The following ITPR2 variants were observed in gnomAD, a reference collection of about 807,000 sequenced individuals.
The protein encoded by ITPR2 is inositol 1,4,5-trisphosphate receptor type 2, also known as inositol 1,4,5-trisphosphate-gated calcium channel ITPR2.
In ITPR2, 207 loss-of-function variants were observed where a neutral mutation model predicts 317.1. The ratio of observed to expected loss-of-function variants is 0.65; its 90% CI spans 0.58 to 0.73. The LOEUF is 0.73. Ranked by LOEUF, ITPR2 falls within the 30% of genes least tolerant of loss-of-function variation. ITPR2 has a pLI of 0.00. For synonymous variants in ITPR2, 1,156 were observed against 1,149.1 expected (o/e 1.01, Z -0.12); for missense variants, 2,613 against 3,284.0 (o/e 0.80, Z 4.99).
intron 13 of ITPR2, among the ~76,000 whole-genome samples, chr12:26,673,518 T>G (rs1159920081): frequency 1.3e-5 from 2 of 151,164 alleles, no homozygotes; most frequent in Non-Finnish European, 3.0e-5. Context: ...AAACTCTCAA[T>G]AAATTAGGTA....
intron 55 of ITPR2, among the ~76,000 whole-genome samples, chr12:26,362,643 C>T (rs1367733025): frequency 6.6e-6 from 1 of 152,110 alleles, no homozygotes; most frequent in African/African-American, 2.4e-5. Context: ...CCTTTAACAC[C>T]GTCCTCATAA....
At chr12:26,567,470 ACATGAAC>A (rs1385536563) in intron 34 of ITPR2, among the ~76,000 whole-genome samples, 1 of 152,180 alleles carries the variant, frequency 6.6e-6, no homozygotes, top group Non-Finnish European at 1.5e-5. Context: ...TCCTGTCTTC[ACATGAAC>A]TGTACAATGA....
At chr12:26,457,951 A>G (rs193213514) in intron 45 of ITPR2, among the ~76,000 whole-genome samples, 41 of 152,366 alleles carry the variant, frequency 2.7e-4, no homozygotes, top group Non-Finnish European at 4.7e-4. Context: ...ATGAACTAAA[A>G]TAACAGAAAA....
intron 21 of ITPR2, among the ~76,000 whole-genome samples, chr12:26,634,884 C>CAAA (rs55985706): frequency 4.3e-4 from 25 of 58,542 alleles, no homozygotes; most frequent in East Asian, 1.7e-3. Flanking sequence ...GACTTCATCT[C>CAAA]AAAAAAAAAA....
At chr12:26,471,212 G>A (rs1392812007) in intron 45 of ITPR2, among the ~76,000 whole-genome samples, 1 of 152,060 alleles carries the variant, frequency 6.6e-6, no homozygotes, top group Non-Finnish European at 1.5e-5. Flanking sequence ...TTAAATGCAG[G>A]GTCTCAGACA....
intron 21 of ITPR2, among the ~76,000 whole-genome samples, chr12:26,640,565 T>A (rs1233611358): frequency 6.6e-6 from 1 of 152,066 alleles, no homozygotes; most frequent in Non-Finnish European, 1.5e-5. Flanking sequence ...AGAAATAGAA[T>A]CTATTTTGAT....
At chr12:26,389,173 A>C (rs943680402) in intron 54 of ITPR2, among the ~76,000 whole-genome samples, 6 of 152,056 alleles carry the variant, frequency 3.9e-5, no homozygotes, top group African/African-American at 1.5e-4. Flanking sequence ...TTCTCAACAC[A>C]GCAGCCAGAG....
chr12:26,520,069 T>C (rs573708368), intron 37 of ITPR2, among the ~76,000 whole-genome samples: 7 of 152,284 alleles, frequency 4.6e-5, no homozygotes, highest in Admixed American at 2.6e-4. Context: ...ACTATTCTTG[T>C]TACATTTTGG....
At chr12:26,664,911 T>C (rs1947588853) in intron 14 of ITPR2, among the ~76,000 whole-genome samples, 1 of 152,188 alleles carries the variant, frequency 6.6e-6, no homozygotes, top group South Asian at 2.1e-4. Context: ...ACATTATGTC[T>C]ACTATTTTCC....
rs920059246 is a variant in ITPR2 at position 26,578,924 on chromosome 12, A to T, written c.4510-91T>A. ...ATGCATTCTCAGAAAGGTTCATCAA[A>T]ATAAAATAAAATACAATCTTTCAAG... On this transcript the variant is annotated intron_variant, in intron 33 of 56. Transcript: ENST00000381340. The T allele has an allele frequency of 4.9e-6, 6 of 1,235,640 alleles. No individual in the cohort carries two copies. In the African/African-American group the frequency reaches 9.1e-5, roughly 19 times the overall value. 76.5% of individuals were successfully genotyped at this position (1,235,640 alleles called of 1,614,324 possible).
At chr12:26,742,248 G>C (rs1401967922) in intron 2 of ITPR2, among the ~76,000 whole-genome samples, 1 of 152,198 alleles carries the variant, frequency 6.6e-6, no homozygotes. Context: ...ATAAATAGTG[G>C]TATGGTCACA....
chr12:26,766,872 A>G (rs1248069174), intron 2 of ITPR2, among the ~76,000 whole-genome samples: 2 of 152,230 alleles, frequency 1.3e-5, no homozygotes, highest in South Asian at 4.1e-4. Flanking sequence ...TTGAGGCAAT[A>G]TAGGACAATT....
intron 22 of ITPR2, among the ~76,000 whole-genome samples, chr12:26,629,860 G>A (rs916732376): frequency 6.6e-5 from 10 of 152,034 alleles, no homozygotes; most frequent in African/African-American, 1.4e-4. Flanking sequence ...CCAGACATGC[G>A]TTAAACAAGG....
In ITPR2 at chr12:26,561,943, C is replaced by T. The variant is rs200153745; in HGVS notation, c.4640G>A (p.Arg1547His). Residue 1547 changes from arginine (R) to histidine (H), a missense_variant, in exon 35 of 57, where the codon CGT becomes CAT. Coordinates refer to ENST00000381340, the MANE Select transcript of ITPR2 (RefSeq NM_002223.4). ...IRTLAEVAKN[R>H]GIAIPVDLDS... ...CAAATCCACTGGAATGGCAATTCCACGATTTTTTGCTGAAAAAGAAAGATT... is the reference window on the plus strand; with the variant it reads ...CAAATCCACTGGAATGGCAATTCCATGATTTTTTGCTGAAAAAGAAAGATT... 7.4e-5 allele frequency: 111 copies of T among 1,505,390 alleles called. No individual in the cohort carries two copies. The African/African-American group carries it at 9.7e-4, about 13-fold the overall frequency. 93.3% of individuals were successfully genotyped at this position (1,505,390 alleles called of 1,614,324 possible). A position where few individuals can be genotyped will look rare whatever the true frequency, so the allele number is the denominator to read the frequency against.
chr12:26,546,362 GTC>G (rs1301530549), intron 37 of ITPR2, among the ~76,000 whole-genome samples: 1 of 151,984 alleles, frequency 6.6e-6, no homozygotes, highest in Non-Finnish European at 1.5e-5. Flanking sequence ...ACCCTTCCCA[GTC>G]TCTGTTACCT....
At chr12:26,643,631 A>T (rs2136868282) in intron 21 of ITPR2, among the ~76,000 whole-genome samples, 1 of 152,368 alleles carries the variant, frequency 6.6e-6, no homozygotes, top group South Asian at 2.1e-4. Flanking sequence ...AATGAGGAAC[A>T]TCTTACTGGA....
chr12:26,428,754 G>C (rs2136704550), intron 48 of ITPR2, among the ~76,000 whole-genome samples: 1 of 152,294 alleles, frequency 6.6e-6, no homozygotes. Flanking sequence ...CTCCCCAAAA[G>C]AGAGGTTCAA....
chr12:26,719,286 G>A (rs1948793474), intron 5 of ITPR2, among the ~76,000 whole-genome samples: 1 of 152,182 alleles, frequency 6.6e-6, no homozygotes, highest in Non-Finnish European at 1.5e-5. Context: ...CACAGATGGG[G>A]TCAGGTGCTT....
intron 34 of ITPR2, among the ~76,000 whole-genome samples, chr12:26,576,928 T>C (rs565205981): frequency 2.0e-5 from 3 of 152,266 alleles, no homozygotes; most frequent in African/African-American, 7.2e-5. Flanking sequence ...TATGAGTGGA[T>C]TAATTATCCT....
Sources: allele counts gnomAD v4.1 joint callset (sites outside exome capture counted in the v4.1 genomes callset), GRCh38; gene constraint gnomAD v4.1.1; transcripts MANE v1.5; gene names NCBI Gene and HGNC (gene_info 2026-07-23, HGNC 2026-07-21).